Variants in ADAMTS9 observed in about 807,000 individuals in gnomAD.
ADAMTS9 encodes ADAM metallopeptidase with thrombospondin type 1 motif 9.
In ADAMTS9, 107 loss-of-function variants were observed where a neutral mutation model predicts 257.1. The ratio of observed to expected loss-of-function variants is 0.42; its 90% CI spans 0.36 to 0.49. ADAMTS9 has a LOEUF of 0.49. ADAMTS9 is among the 20% of genes least tolerant of loss of function. ADAMTS9 has a pLI of 0.03. For synonymous variants in ADAMTS9, 982 were observed against 880.9 expected, an observed-to-expected ratio of 1.11 and a Z score of -2.03; for missense variants, 2,353 against 2,469.1, an observed-to-expected ratio of 0.95 and a Z score of 1.00.
At chr3:64,679,447 A>C (rs1701700827) in intron 3 of ADAMTS9, among the ~76,000 whole-genome samples, 1 of 152,200 alleles carries the variant, frequency 6.6e-6, no homozygotes, top group African/African-American at 2.4e-5. Context: ...CAGAGTTAGG[A>C]ATGGTAACTA....
At chr3:64,539,976 G>A (rs1030757885) in intron 36 of ADAMTS9, among the ~76,000 whole-genome samples, 3 of 152,232 alleles carry the variant, frequency 2.0e-5, no homozygotes, top group Admixed American at 6.5e-5. Context: ...CGAGAATCCT[G>A]CAAAAGCTGT....
chr3:64,596,261 T>C (rs2084362167), intron 27 of ADAMTS9, among the ~76,000 whole-genome samples: 1 of 152,178 alleles, frequency 6.6e-6, no homozygotes. Context: ...TTTCTCAGCT[T>C]CCAATACTCA....
intron 28 of ADAMTS9, among the ~76,000 whole-genome samples, chr3:64,570,149 C>T (rs1030739089): frequency 2.0e-5 from 3 of 150,530 alleles, no homozygotes; most frequent in Non-Finnish European, 1.5e-5. Flanking sequence ...TTTATTTATT[C>T]GACAAACATT....
chr3:64,650,328 C>T (rs1470573224), intron 9 of ADAMTS9: 1 of 152,538 alleles, frequency 6.6e-6, no homozygotes, highest in Admixed American at 6.5e-5. Context: ...CCTCCTCTTC[C>T]CCGTGGTTGC....
chr3:64,538,778 T>C (rs2083083467), intron 37 of ADAMTS9, among the ~76,000 whole-genome samples: 1 of 152,090 alleles, frequency 6.6e-6, no homozygotes, highest in African/African-American at 2.4e-5. Context: ...AAATCAATTA[T>C]AGGGAGAATA....
chr3:64,676,808 G>T (rs1014161799), intron 3 of ADAMTS9, among the ~76,000 whole-genome samples: 2 of 152,176 alleles, frequency 1.3e-5, no homozygotes, highest in African/African-American at 2.4e-5. Flanking sequence ...GGGTCACAGA[G>T]TAGACAGTTC....
intron 38 of ADAMTS9, among the ~76,000 whole-genome samples, chr3:64,531,018 ACTCT>A (rs142561147): frequency 6.7e-4 from 102 of 152,290 alleles, no homozygotes; most frequent in African/African-American, 2.4e-3. Context: ...AAGCTCATGC[ACTCT>A]CTCTCAGCTA....
At chr3:64,520,443 C>A (rs1201213539) in intron 39 of ADAMTS9, among the ~76,000 whole-genome samples, 2 of 152,068 alleles carry the variant, frequency 1.3e-5, no homozygotes, top group Non-Finnish European at 2.9e-5. Flanking sequence ...AAGAACTATT[C>A]TAAAATTGAT....
At position 64,525,974 on chromosome 3, in the gene ADAMTS9, T is replaced by A. The variant is rs1284232159; in HGVS notation, c.5719-3714A>T. Among the ~76,000 whole-genome samples, 3 of 147,854 alleles carry A rather than the reference T, an allele frequency of 2.0e-5. No individual in the cohort carries two copies. The East Asian group carries it at 5.8e-4, about 29-fold the overall frequency. ...TAAACATTTATATAAAATTTATGTA[T>A]AAAATTTATATAAAAATATTTTATA... On this transcript the variant is annotated intron_variant, in intron 38 of 39. Coordinates refer to ENST00000498707, the MANE Select transcript of ADAMTS9 (RefSeq NM_182920.2).
rs755480110 is a variant in ADAMTS9 at position 64,517,416 on chromosome 3, GTTTTT to G, written c.*6-300_*6-296del. ...CATCAAGCCCAGCTAATTAAAAATG[GTTTTT>G]TTTTTTTTTTTTTTTTTTGCAGAAA... On this transcript the variant is annotated intron_variant, in intron 39 of 39. Transcript: ENST00000498707. 8.4e-4 allele frequency among the ~76,000 whole-genome samples: 44 copies of G among 52,670 alleles called. 1 individual carries two copies. Among genetic ancestry groups the G allele is most frequent in the South Asian group, 4.6e-3 (3 of 648 alleles). The allele number at this position is 52,670 out of a possible 152,430, so 34.6% of individuals were successfully genotyped here.
Position 64,628,464 on chromosome 3 carries a change from G to A in ADAMTS9, c.2389+2991C>T, listed in dbSNP as rs921202624. On this transcript the variant is annotated intron_variant, in intron 16 of 39. Transcript: ENST00000498707. Reference sequence around the variant, plus strand: ...TATAAAGCAGGCTGCATGCAATGCTGTTTCATTTAATTAGGAAGTAGTAAG... The same window carrying A: ...TATAAAGCAGGCTGCATGCAATGCTATTTCATTTAATTAGGAAGTAGTAAG... 1.3e-5 allele frequency among the ~76,000 whole-genome samples: 2 copies of A among 152,134 alleles called. 1 individual carries two copies. Among genetic ancestry groups the A allele is most frequent in the South Asian group, 4.1e-4 (2 of 4,824 alleles).
At chr3:64,546,515 G>A (rs2083201670) in intron 32 of ADAMTS9, among the ~76,000 whole-genome samples, 1 of 152,198 alleles carries the variant, frequency 6.6e-6, no homozygotes, top group Non-Finnish European at 1.5e-5. Context: ...TGTTCACCTG[G>A]GAAGTGGCAG....
intron 30 of ADAMTS9, 122 bp downstream of exon 30, chr3:64,561,456 G>C: frequency 8.9e-7 from 1 of 1,129,390 alleles, no homozygotes; most frequent in South Asian, 1.9e-5. Flanking sequence ...AACCTTTTGG[G>C]AAAGAGCCAG....
intron 39 of ADAMTS9, among the ~76,000 whole-genome samples, chr3:64,520,393 C>T (rs995911832): frequency 7.9e-5 from 12 of 152,128 alleles, no homozygotes; most frequent in Non-Finnish European, 1.8e-4. Context: ...CAACAAAATT[C>T]CCATCAAATT....
chr3:64,520,548 A>G lies in ADAMTS9; in HGVS notation c.*5+1618T>C, dbSNP rs147069997. On this transcript the variant is annotated intron_variant, in intron 39 of 39. Transcript: ENST00000498707. Reference sequence around the variant, plus strand: ...TTACCGGACTTCAAACTCTACTCCAAGGCAGCAAACTAAAGGTAACCAAAA... The same window carrying G: ...TTACCGGACTTCAAACTCTACTCCAGGGCAGCAAACTAAAGGTAACCAAAA... Among the ~76,000 whole-genome samples the G allele has an allele frequency of 4.0e-4, 61 of 152,306 alleles. No homozygotes were observed. In the East Asian group the frequency reaches 0.011, roughly 28 times the overall value.
intron 8 of ADAMTS9, among the ~76,000 whole-genome samples, chr3:64,653,810 C>T (rs959123174): frequency 2.6e-5 from 4 of 152,148 alleles, no homozygotes; most frequent in African/African-American, 9.7e-5. Context: ...ACTTAGTGAC[C>T]ATAATTAGGA....
intron 8 of ADAMTS9, among the ~76,000 whole-genome samples, chr3:64,653,487 G>T (rs1443770731): frequency 6.6e-6 from 1 of 152,158 alleles, no homozygotes; most frequent in African/African-American, 2.4e-5. Context: ...AGACACCTGT[G>T]TATATGCATC....
intron 4 of ADAMTS9, chr3:64,656,175 TTCCTC>T (rs1470945788): frequency 4.3e-6 from 1 of 235,244 alleles, no homozygotes; most frequent in Non-Finnish European, 8.2e-6. Context: ...ATCAAGCTCT[TTCCTC>T]TCATCTGAAG....
At chr3:64,586,106 G>A (rs529842888) in intron 28 of ADAMTS9, among the ~76,000 whole-genome samples, 4 of 152,170 alleles carry the variant, frequency 2.6e-5, no homozygotes, top group African/African-American at 9.6e-5. Flanking sequence ...TCCTGGTTCA[G>A]CCACTTCCCA....
Sources: gnomAD v4.1 joint callset for allele counts (sites outside exome capture counted in the v4.1 genomes callset) on GRCh38, gnomAD v4.1.1 for gene constraint, MANE v1.5 for transcripts, NCBI Gene and HGNC (gene_info 2026-07-23, HGNC 2026-07-21) for gene names.